CTDSPL: variants seen among roughly 807,000 people sequenced by gnomAD.
CTDSPL encodes the protein CTD small phosphatase-like protein.
In CTDSPL, 8 loss-of-function variants were observed where a neutral mutation model predicts 30.5. The observed-to-expected ratio is 0.26, with a 90% CI of 0.15 to 0.47. CTDSPL has a LOEUF of 0.47. Ranked by LOEUF, CTDSPL falls within the 20% of genes least tolerant of loss-of-function variation. The pLI is 0.99. For missense variants in CTDSPL, 248 were observed against 366.1 expected (o/e 0.68, Z 2.63); for synonymous variants, 110 against 137.9 (o/e 0.80, Z 1.42).
chr3:37,863,974 C>A (rs767879513), intron 1 of CTDSPL, among the ~76,000 whole-genome samples: 1 of 152,204 alleles, frequency 6.6e-6, no homozygotes, highest in African/African-American at 2.4e-5. Context: ...CCCCGTATTT[C>A]TCTGGGACCC....
intron 2 of CTDSPL, among the ~76,000 whole-genome samples, chr3:37,951,765 C>T (rs1699110891): frequency 6.6e-6 from 1 of 151,920 alleles, no homozygotes. Context: ...GAAAATAGAT[C>T]TTTAAAATTC....
At chr3:37,911,623 T>C in intron 1 of CTDSPL, 1 of 453,358 alleles carries the variant, frequency 2.2e-6, no homozygotes, top group Non-Finnish European at 4.5e-6. Flanking sequence ...GGATTTTTGT[T>C]GGAGAAAAAT....
At position 37,939,142 on chromosome 3, in the gene CTDSPL, G is replaced by A. The variant is rs902300398; in HGVS notation, c.80-7915G>A. The stretch of plus-strand genomic sequence containing the variant: ...TGTGAGGACCGTTGTCTGGATACAA[G>A]CTAAATTCTCCATGTTCACAGTGAG... On this transcript the variant is annotated intron_variant, in intron 1 of 7. Transcript: ENST00000273179. 2.0e-5 allele frequency among the ~76,000 whole-genome samples: 3 copies of A among 150,198 alleles called. 1 individual carries two copies. The highest frequency in any genetic ancestry group is 3.0e-5 in the Non-Finnish European group (2 of 67,070).
intron 1 of CTDSPL, among the ~76,000 whole-genome samples, chr3:37,872,034 T>C (rs1698076658): frequency 6.6e-6 from 1 of 152,200 alleles, no homozygotes; most frequent in Non-Finnish European, 1.5e-5. Flanking sequence ...TCACCCAGGC[T>C]AGAGCGGAGT....
chr3:37,902,428 T>C (rs1698460861), intron 1 of CTDSPL, among the ~76,000 whole-genome samples: 1 of 152,032 alleles, frequency 6.6e-6, no homozygotes, highest in Non-Finnish European at 1.5e-5. Flanking sequence ...CAGCAACAAA[T>C]AGTCCGTTTT....
At position 37,947,100 on chromosome 3, in the gene CTDSPL, C is replaced by T; in HGVS notation, c.123C>T (p.Ser41=). The T allele has an allele frequency of 6.2e-7, 1 of 1,613,964 alleles. No individual in the cohort carries two copies. The highest frequency in any genetic ancestry group is 8.5e-7 in the Non-Finnish European group (1 of 1,180,010). Residue 41 remains serine (S), a synonymous_variant, in exon 2 of 8, where the codon AGC becomes AGT. Coordinates refer to ENST00000273179, the MANE Select transcript of CTDSPL (RefSeq NM_001008392.2). ...GCTTAAAGAAGCAGAGGAGCCGCAG[C>T]ATCCTTAGCTCCTTCTTCTGCTGCT... is the stretch of plus-strand genomic sequence containing the variant. The part of the protein sequence containing the change: ...NVSLKKQRSR[S]ILSSFFCCFR...
intron 1 of CTDSPL, among the ~76,000 whole-genome samples, chr3:37,887,491 C>T (rs747000520): frequency 7.2e-5 from 11 of 152,148 alleles, no homozygotes; most frequent in Non-Finnish European, 1.6e-4. Flanking sequence ...CCCAGTTCCA[C>T]GGTTTCTAGC....
chr3:37,899,283 A>G (rs1698422949), intron 1 of CTDSPL, among the ~76,000 whole-genome samples: 1 of 152,214 alleles, frequency 6.6e-6, no homozygotes, highest in South Asian at 2.1e-4. Context: ...GAGGAATGCC[A>G]TCTTTTAAAT....
At chr3:37,868,946 C>T (rs1468080901) in intron 1 of CTDSPL, among the ~76,000 whole-genome samples, 1 of 151,982 alleles carries the variant, frequency 6.6e-6, no homozygotes, top group African/African-American at 2.4e-5. Context: ...CAAATATCTT[C>T]CTGAGATTTT....
intron 1 of CTDSPL, among the ~76,000 whole-genome samples, chr3:37,877,278 C>T (rs1698146604): frequency 6.6e-6 from 1 of 152,148 alleles, no homozygotes; most frequent in African/African-American, 2.4e-5. Flanking sequence ...CCCTCCTTGC[C>T]CTGACAACCA....
intron 1 of CTDSPL, among the ~76,000 whole-genome samples, chr3:37,865,912 T>C (rs753142645): frequency 1.3e-5 from 2 of 152,168 alleles, no homozygotes; most frequent in East Asian, 3.9e-4. Flanking sequence ...AAAGTGAGTT[T>C]CCAGCTTTTA....
At position 37,866,552 on chromosome 3, in the gene CTDSPL, A is replaced by G. The variant is rs577753869; in HGVS notation, c.79+4274A>G. On this transcript the variant is annotated intron_variant, in intron 1 of 7. Transcript: ENST00000273179. ...AATTTCCCATAGCTCTTTGAAGGGA[A>G]AGAAATAATTTGAGGGAATTGAACA... Among the ~76,000 whole-genome samples the G allele has an allele frequency of 8.3e-4, 126 of 152,324 alleles. No homozygotes were observed. In the South Asian group the frequency reaches 8.3e-3, roughly 10 times the overall value.
chr3:37,981,571 C>A lies in CTDSPL; in HGVS notation c.*704C>A. On this transcript the variant is annotated 3_prime_UTR_variant, in exon 8 of 8. Coordinates refer to ENST00000273179, the MANE Select transcript of CTDSPL (RefSeq NM_001008392.2). ...ATTTTTGACCCAGTTTGGAATGTAT[C>A]TGCAATTGTGTGGCTCAACACTTTA... The A allele has an allele frequency of 3.5e-6, 1 of 283,496 alleles. No individual in the cohort carries two copies. The highest frequency in any genetic ancestry group is 7.1e-6 in the Non-Finnish European group (1 of 141,644). The allele number at this position is 283,496 out of a possible 1,614,324, so 17.6% of individuals were successfully genotyped here. A position where few individuals can be genotyped will look rare whatever the true frequency, so the allele number is the denominator to read the frequency against.
At chr3:37,876,365 C>T (rs554936235) in intron 1 of CTDSPL, among the ~76,000 whole-genome samples, 2 of 152,268 alleles carry the variant, frequency 1.3e-5, no homozygotes, top group South Asian at 4.1e-4. Context: ...CTACCACAAT[C>T]AAGATAGAGA....
chr3:37,891,244 A>G (rs1321002865), intron 1 of CTDSPL, among the ~76,000 whole-genome samples: 1 of 152,144 alleles, frequency 6.6e-6, no homozygotes, highest in East Asian at 1.9e-4. Context: ...ACAGTACCTT[A>G]TATATCTGGG....
chr3:37,862,250 G>A lies in CTDSPL; in HGVS notation c.51G>A (p.Glu17=), dbSNP rs1436290975. 1.9e-5 allele frequency: 29 copies of A among 1,493,666 alleles called. No individual in the cohort carries two copies. Among genetic ancestry groups the A allele is most frequent in the Non-Finnish European group, 2.5e-5 (28 of 1,124,916 alleles). The allele number at this position is 1,493,666 out of a possible 1,614,324, so 92.5% of individuals were successfully genotyped here. A position where few individuals can be genotyped will look rare whatever the true frequency, so the allele number is the denominator to read the frequency against. Residue 17 remains glutamate (E), a synonymous_variant, in exon 1 of 8, where the codon GAG becomes GAA. Coordinates refer to ENST00000273179, the MANE Select transcript of CTDSPL (RefSeq NM_001008392.2). This position sits in a 1 kb window ranked among gnomAD's most constrained non-coding sequence, Gnocchi z 4.3. ...ITQVTNPKED[E]GRLPGAGEKA... is the part of the protein sequence containing the mutation. The stretch of plus-strand genomic sequence containing the variant: ...AGGTGACCAACCCCAAGGAGGACGA[G>A]GGCCGGTTGCCGGGCGCGGGCGAGA...
intron 1 of CTDSPL, among the ~76,000 whole-genome samples, chr3:37,909,058 A>G (rs1197285085): frequency 1.3e-5 from 2 of 152,200 alleles, no homozygotes; most frequent in East Asian, 1.9e-4. Flanking sequence ...CTTTAAATAA[A>G]CCGATACCAA....
intron 2 of CTDSPL, among the ~76,000 whole-genome samples, chr3:37,953,933 C>G (rs1699138673): frequency 6.6e-6 from 1 of 152,114 alleles, no homozygotes; most frequent in Admixed American, 6.5e-5. Context: ...TGACTGTTTA[C>G]ATAGAAAACC....
At chr3:37,886,841 G>A (rs141253278) in intron 1 of CTDSPL, among the ~76,000 whole-genome samples, 15 of 152,236 alleles carry the variant, frequency 9.9e-5, no homozygotes, top group Middle Eastern at 3.4e-3. Flanking sequence ...GCCCAATAGG[G>A]GGAAACTCTG....
Sources: gnomAD v4.1 joint callset for allele counts (sites outside exome capture counted in the v4.1 genomes callset) on GRCh38, gnomAD v4.1.1 for gene constraint, Gnocchi (gnomAD v3.1) non-coding constraint, MANE v1.5 for transcripts, NCBI Gene and HGNC (gene_info 2026-07-23, HGNC 2026-07-21) for gene names.